The following NBEA variants were observed in gnomAD, a reference collection of about 807,000 sequenced individuals.
The protein encoded by NBEA is lysosomal-trafficking regulator 2.
NBEA carries 44 observed loss-of-function variants against 343.4 expected under a neutral mutation model. The observed-to-expected ratio is 0.13, with a 90% CI of 0.10 to 0.16. NBEA has a LOEUF of 0.16. Ranked by LOEUF, NBEA falls within the 10% of genes least tolerant of loss-of-function variation. NBEA has a pLI of 1.00. For synonymous variants in NBEA, 1,175 were observed against 1,238.7 expected (o/e 0.95, Z 1.08); for missense variants, 2,555 against 3,631.3 (o/e 0.70, Z 7.62).
At chr13:34,970,335 C>T (rs2059959222) in intron 1 of NBEA, among the ~76,000 whole-genome samples, 1 of 152,026 alleles carries the variant, frequency 6.6e-6, no homozygotes, top group Admixed American at 6.5e-5. Context: ...AATTTTCTCC[C>T]ATTCCGTAGG....
At chr13:35,639,511 A>T (rs2083841213) in intron 49 of NBEA, among the ~76,000 whole-genome samples, 1 of 152,126 alleles carries the variant, frequency 6.6e-6, no homozygotes, top group South Asian at 2.1e-4. Flanking sequence ...GGTGGAACAG[A>T]AAGATGATAT....
chr13:35,443,359 C>A (rs2045842197), intron 39 of NBEA, among the ~76,000 whole-genome samples: 1 of 151,972 alleles, frequency 6.6e-6, no homozygotes, highest in African/African-American at 2.4e-5. Context: ...TAAGGAATAG[C>A]ATTTTTGAAC....
intron 10 of NBEA, among the ~76,000 whole-genome samples, chr13:35,079,492 G>A (rs547767218): frequency 1.3e-5 from 2 of 152,144 alleles, no homozygotes; most frequent in Non-Finnish European, 2.9e-5. Flanking sequence ...ATCCAAATAT[G>A]TAAGCTTTAA....
At chr13:35,108,517 G>A (rs1437164775) in intron 11 of NBEA, among the ~76,000 whole-genome samples, 1 of 151,814 alleles carries the variant, frequency 6.6e-6, no homozygotes, top group East Asian at 1.9e-4. Flanking sequence ...TTGATAATAT[G>A]CAATATATTA....
intron 38 of NBEA, among the ~76,000 whole-genome samples, chr13:35,372,183 C>T (rs972844863): frequency 1.3e-5 from 2 of 151,980 alleles, no homozygotes; most frequent in African/African-American, 2.4e-5. Context: ...GGGCAGTGGG[C>T]GTGGTATGAG....
chr13:35,413,578 T>C (rs1594539878), intron 38 of NBEA, among the ~76,000 whole-genome samples: 1 of 152,068 alleles, frequency 6.6e-6, no homozygotes, highest in Non-Finnish European at 1.5e-5. Context: ...AATGCAATTA[T>C]CAAAAATTTT....
rs1024853621 is a variant in NBEA at position 35,522,901 on chromosome 13, C to T, written c.6586-27576C>T. Among the ~76,000 whole-genome samples, 10 of 150,086 alleles carry T rather than the reference C, an allele frequency of 6.7e-5. No homozygotes were observed. In the South Asian group the frequency reaches 8.5e-4, roughly 13 times the overall value. On this transcript the variant is annotated intron_variant, in intron 41 of 58. Coordinates refer to ENST00000379939, the MANE Select transcript of NBEA (RefSeq NM_001385012.1). The stretch of plus-strand genomic sequence containing the variant: ...TCTTCCGTGGAACGGGTTCCTGGTG[C>T]CAGAAAGGTTGAGGACTGCTGCTAA...
chr13:34,963,796 T>C (rs2059736569), intron 1 of NBEA, among the ~76,000 whole-genome samples: 1 of 151,738 alleles, frequency 6.6e-6, no homozygotes, highest in South Asian at 2.1e-4. Context: ...AAAGCCCAAA[T>C]AGTTTTGACT....
intron 17 of NBEA, among the ~76,000 whole-genome samples, chr13:35,137,610 CCTT>C (rs1228587978): frequency 1.2e-4 from 18 of 151,998 alleles, no homozygotes; most frequent in African/African-American, 4.3e-4. Context: ...TTTCTTCTAT[CCTT>C]CTTTATTCCC....
chr13:35,315,010 C>T (rs1566606438), intron 36 of NBEA, among the ~76,000 whole-genome samples: 1 of 152,180 alleles, frequency 6.6e-6, no homozygotes, highest in Non-Finnish European at 1.5e-5. Context: ...TGTTGATGCC[C>T]ATTATGTGCG....
At chr13:35,208,354 T>A (rs1341571325) in intron 31 of NBEA, among the ~76,000 whole-genome samples, 3 of 152,182 alleles carry the variant, frequency 2.0e-5, no homozygotes, top group Non-Finnish European at 4.4e-5. Flanking sequence ...TTATGTATAT[T>A]TTGCCAAAAA....
chr13:35,196,453 T>C (rs936571818), intron 31 of NBEA, among the ~76,000 whole-genome samples, 151 bp downstream of exon 31: 12 of 152,190 alleles, frequency 7.9e-5, no homozygotes, highest in Middle Eastern at 3.2e-3. Context: ...CCTAATCTTA[T>C]AATAAGACAT....
At chr13:35,523,697 T>A (rs2077829997) in intron 41 of NBEA, among the ~76,000 whole-genome samples, 1 of 152,216 alleles carries the variant, frequency 6.6e-6, no homozygotes, top group Non-Finnish European at 1.5e-5. Context: ...ATTTTAGGAA[T>A]CCCTTCTATA....
At chr13:35,219,225 T>C (rs2074231642) in intron 33 of NBEA, among the ~76,000 whole-genome samples, 1 of 152,176 alleles carries the variant, frequency 6.6e-6, no homozygotes, top group Admixed American at 6.6e-5. Context: ...CTTCCTTGCC[T>C]TCCTTCCTTT....
Position 35,646,052 on chromosome 13 carries a change from A to G in NBEA, c.7680+121A>G, listed in dbSNP as rs150675759. ...TGGGAATAAGAATAGTGACTGGGTT[A>G]ACTGAAGCATGTTTGGAAGGAGAAG... On this transcript the variant is annotated intron_variant, in intron 50 of 58. Coordinates refer to ENST00000379939, the MANE Select transcript of NBEA (RefSeq NM_001385012.1). 360 of 729,202 alleles carry G rather than the reference A, an allele frequency of 4.9e-4. 1 individual carries two copies. The highest frequency in any genetic ancestry group is 6.9e-4 in the Non-Finnish European group (302 of 438,522). 45.2% of individuals were successfully genotyped at this position (729,202 alleles called of 1,614,324 possible).
intron 45 of NBEA, among the ~76,000 whole-genome samples, chr13:35,574,747 G>A (rs2080646158): frequency 6.7e-6 from 1 of 149,560 alleles, no homozygotes; most frequent in African/African-American, 2.5e-5. Context: ...AAAAAATAAA[G>A]TGCCAATAGA....
chr13:35,482,560 T>A (rs1187918341), intron 41 of NBEA, among the ~76,000 whole-genome samples: 1 of 151,520 alleles, frequency 6.6e-6, no homozygotes, highest in Non-Finnish European at 1.5e-5. Context: ...TTTTATTATC[T>A]AAAATCCCAA....
intron 30 of NBEA, 55 bp from the exon 31 acceptor site, chr13:35,195,809 A>C: frequency 7.1e-7 from 1 of 1,415,268 alleles, no homozygotes; most frequent in Non-Finnish European, 9.5e-7. Flanking sequence ...TTTGATTAAT[A>C]ATACAAGATT....
intron 36 of NBEA, among the ~76,000 whole-genome samples, chr13:35,332,541 G>A (rs1430514017): frequency 6.6e-6 from 1 of 152,082 alleles, no homozygotes; most frequent in Non-Finnish European, 1.5e-5. Context: ...CAATGGAAAA[G>A]TGAAAAATGT....
Sources: gnomAD v4.1 joint callset for allele counts (sites outside exome capture counted in the v4.1 genomes callset) on GRCh38, gnomAD v4.1.1 for gene constraint, MANE v1.5 for transcripts, NCBI Gene and HGNC (gene_info 2026-07-23, HGNC 2026-07-21) for gene names.